The following REDIC1 variants were observed in gnomAD, a reference collection of about 807,000 sequenced individuals.
The protein encoded by REDIC1 is regulator of DNA class I crossover intermediates 1.
the REDIC1 span, among the ~76,000 whole-genome samples, chr12:39,836,151 T>C: frequency 6.6e-6 from 1 of 152,078 alleles, no homozygotes; most frequent in Non-Finnish European, 1.5e-5. Flanking sequence ...TTTAGAGAGT[T>C]TGTAGTAAAT....
the REDIC1 span, among the ~76,000 whole-genome samples, chr12:39,772,733 T>C: frequency 6.6e-6 from 1 of 152,216 alleles, no homozygotes; most frequent in African/African-American, 2.4e-5. Context: ...TTTTCGTTAT[T>C]ATCACAGTTC....
chr12:39,792,480 G>A, the REDIC1 span, among the ~76,000 whole-genome samples: 1 of 152,242 alleles, frequency 6.6e-6, no homozygotes, highest in Admixed American at 6.5e-5. Context: ...AATCTGGCAT[G>A]TATTTGGGAT....
the REDIC1 span, among the ~76,000 whole-genome samples, chr12:39,713,428 A>G: frequency 1.2e-4 from 1 of 8,042 alleles, no homozygotes; most frequent in Non-Finnish European, 8.1e-4. Flanking sequence ...ACATATGTAT[A>G]TATGTGTACA....
At chr12:39,822,224 G>A in the REDIC1 span, among the ~76,000 whole-genome samples, 1 of 151,684 alleles carries the variant, frequency 6.6e-6, no homozygotes, top group Non-Finnish European at 1.5e-5. Flanking sequence ...CCAAGATAAC[G>A]TTTCCTGCCC....
At chr12:39,714,836 G>A in the REDIC1 span, among the ~76,000 whole-genome samples, 1 of 151,674 alleles carries the variant, frequency 6.6e-6, no homozygotes, top group African/African-American at 2.4e-5. Context: ...ATTTTTTCAT[G>A]TGTTTGCTGG....
At chr12:39,712,810 C>T in the REDIC1 span, among the ~76,000 whole-genome samples, 2 of 53,762 alleles carry the variant, frequency 3.7e-5, no homozygotes, top group African/African-American at 9.4e-5. Flanking sequence ...TGTGTATACT[C>T]GTATACATGT....
At chr12:39,695,279 G>A in the REDIC1 span, among the ~76,000 whole-genome samples, 1 of 152,198 alleles carries the variant, frequency 6.6e-6, no homozygotes, top group Non-Finnish European at 1.5e-5. Flanking sequence ...CATGGGGGTA[G>A]AATACCAAGT....
chr12:39,686,753 C>G, the REDIC1 span, among the ~76,000 whole-genome samples: 1 of 152,190 alleles, frequency 6.6e-6, no homozygotes, highest in Non-Finnish European at 1.5e-5. Context: ...GCAAATTTTC[C>G]AAACTTTTAT....
At chr12:39,879,282 T>C in the REDIC1 span, among the ~76,000 whole-genome samples, 6 of 151,868 alleles carry the variant, frequency 4.0e-5, no homozygotes, top group East Asian at 1.2e-3. Context: ...TCAGACAGAG[T>C]CCCCTATTGC....
the REDIC1 span, among the ~76,000 whole-genome samples, chr12:39,691,846 T>C: frequency 6.6e-6 from 1 of 152,140 alleles, no homozygotes; most frequent in Non-Finnish European, 1.5e-5. Flanking sequence ...ATTCTGTTGC[T>C]TGTTGTTTTT....
the REDIC1 span, among the ~76,000 whole-genome samples, chr12:39,873,311 C>T: frequency 1.9e-3 from 286 of 152,218 alleles, 2 homozygotes; most frequent in Non-Finnish European, 1.3e-3. Flanking sequence ...ATGAAAACTG[C>T]GAATGTTTTG....
chr12:39,696,704 T>A, the REDIC1 span, among the ~76,000 whole-genome samples: 6 of 151,568 alleles, frequency 4.0e-5, no homozygotes, highest in African/African-American at 1.5e-4. Context: ...CAGAAGTATA[T>A]CAGACAAATT....
At chr12:39,817,619 G>A in the REDIC1 span, among the ~76,000 whole-genome samples, 32 of 152,234 alleles carry the variant, frequency 2.1e-4, no homozygotes, top group East Asian at 3.9e-3. Flanking sequence ...CTATATTCAC[G>A]AAAAAGTTAG....
the REDIC1 span, among the ~76,000 whole-genome samples, chr12:39,855,638 A>G: frequency 7.2e-5 from 11 of 152,240 alleles, no homozygotes; most frequent in Non-Finnish European, 1.5e-4. Context: ...ACTTTCAAAA[A>G]TGTTTATTAA....
At chr12:39,796,345 C>G in the REDIC1 span, among the ~76,000 whole-genome samples, 1 of 149,024 alleles carries the variant, frequency 6.7e-6, no homozygotes, top group African/African-American at 2.5e-5. Context: ...ATCCCAGCTA[C>G]TTGGTAGGCT....
chr12:39,711,615 ATG>A, the REDIC1 span, among the ~76,000 whole-genome samples: 3 of 88,388 alleles, frequency 3.4e-5, no homozygotes, highest in Non-Finnish European at 5.4e-5. Context: ...ATGCATGTGT[ATG>A]TGTATACACG....
chr12:39,789,897 T>G, the REDIC1 span, among the ~76,000 whole-genome samples: 131 of 152,266 alleles, frequency 8.6e-4, 1 homozygote, highest in Non-Finnish European at 1.6e-3. Flanking sequence ...CTATTTCTGA[T>G]TGGTTCATAG....
chr12:39,821,274 T>G, the REDIC1 span, among the ~76,000 whole-genome samples: 13 of 152,008 alleles, frequency 8.6e-5, no homozygotes, highest in East Asian at 5.9e-4. Context: ...GCCGGGCGTG[T>G]TGGCGGGCGC....
At chr12:39,711,872 T>G in the REDIC1 span, among the ~76,000 whole-genome samples, 3 of 116,550 alleles carry the variant, frequency 2.6e-5, 1 homozygote, top group South Asian at 2.5e-4. Flanking sequence ...TATACACGTA[T>G]ACACATGCAT....
Sources: allele counts gnomAD v4.1 joint callset (sites outside exome capture counted in the v4.1 genomes callset), GRCh38; gene constraint gnomAD v4.1.1; transcripts MANE v1.5; gene names NCBI Gene and HGNC (gene_info 2026-07-23, HGNC 2026-07-21).